MAGI1: variants seen among roughly 807,000 people sequenced by gnomAD.
MAGI1 encodes membrane associated guanylate kinase, WW and PDZ domain containing 1, also known as membrane-associated guanylate kinase, WW and PDZ domain-containing protein 1.
Under a neutral mutation model 139.9 loss-of-function variants are expected in MAGI1, and 58 were observed. That is an observed-to-expected ratio of 0.41 (90% CI 0.34 to 0.52). The LOEUF is 0.52. Among genes scored for constraint, MAGI1 ranks in the 20% least tolerant of loss-of-function variants. The pLI is 0.12. For missense variants in MAGI1, 1,874 were observed against 1,901.6 expected (o/e 0.99, Z 0.27); for synonymous variants, 812 against 737.9 (o/e 1.10, Z -1.63).
intron 1 of MAGI1, among the ~76,000 whole-genome samples, chr3:65,787,591 C>T (rs2039484839): frequency 6.7e-6 from 1 of 149,892 alleles, no homozygotes; most frequent in Non-Finnish European, 1.5e-5. Context: ...TAACAGCAAG[C>T]AGGGCACATT....
chr3:65,360,609 A>G, intron 22 of MAGI1: 2 of 985,462 alleles, frequency 2.0e-6, no homozygotes, highest in Non-Finnish European at 2.4e-6. Flanking sequence ...CATTATGGCT[A>G]ATATATTAAC....
rs146359415 is a variant in MAGI1, at chr3:65,548,430, T to A, written c.431-54799A>T. On this transcript the variant is annotated intron_variant, in intron 2 of 22. Coordinates refer to ENST00000402939, the MANE Select transcript of MAGI1 (RefSeq NM_001033057.2). ...CCAGGGGAGAAAAGTGGCTCTACAA[T>A]AAGGCTCTGCACAAAAGGGCCTCCC... is the stretch of plus-strand genomic sequence containing the variant. 4.4e-3 allele frequency among the ~76,000 whole-genome samples: 654 copies of A among 149,790 alleles called. 7 individuals carry two copies. Among genetic ancestry groups the A allele is most frequent in the Middle Eastern group, 0.021 (6 of 284 alleles).
At position 65,680,932 on chromosome 3, in the gene MAGI1, T is replaced by C. The variant is rs78143805; in HGVS notation, c.314-58844A>G. Among the ~76,000 whole-genome samples the C allele has an allele frequency of 8.2e-3, 1,249 of 152,272 alleles. 22 individuals carry two copies. Among genetic ancestry groups the C allele is most frequent in the East Asian group, 0.082 (423 of 5,186 alleles). ...CTTGTAATGGGACGGAAAGATTCAG[T>C]ATTTTAGTTTCGGAGTTGGGAAGAT... is the stretch of plus-strand genomic sequence containing the variant. On this transcript the variant is annotated intron_variant, in intron 1 of 22. Transcript: ENST00000402939.
intron 1 of MAGI1, among the ~76,000 whole-genome samples, chr3:65,967,397 C>T (rs1290802196): frequency 6.6e-6 from 1 of 152,016 alleles, no homozygotes; most frequent in Non-Finnish European, 1.5e-5. Context: ...TGGAAGCGTA[C>T]TGAAAAAAAA....
intron 2 of MAGI1, among the ~76,000 whole-genome samples, chr3:65,508,686 C>T (rs73128936): frequency 6.6e-6 from 1 of 152,150 alleles, no homozygotes; most frequent in Non-Finnish European, 1.5e-5. Context: ...AGATACAATC[C>T]AGTCAATGAA....
At chr3:65,710,269 CTTTTTTTTTTTTTTTTTTT>C (rs1175790063) in intron 1 of MAGI1, among the ~76,000 whole-genome samples, 1 of 66,876 alleles carries the variant, frequency 1.5e-5, no homozygotes, top group Non-Finnish European at 2.8e-5. Context: ...CCTTACATTT[CTTTTTTTTTTTTTTTTTTT>C]TTTTTTTTTG....
chr3:65,740,155 A>C (rs2035134162), intron 1 of MAGI1, among the ~76,000 whole-genome samples: 1 of 152,208 alleles, frequency 6.6e-6, no homozygotes, highest in South Asian at 2.1e-4. Flanking sequence ...ACACACAGAA[A>C]CATAACAACC....
chr3:65,449,302 C>T (rs947932038), intron 6 of MAGI1, among the ~76,000 whole-genome samples: 7 of 152,152 alleles, frequency 4.6e-5, no homozygotes, highest in South Asian at 2.1e-4. Flanking sequence ...CCACTGCCAG[C>T]GGTAAGTTTT....
rs140899893 is a variant in MAGI1 at position 65,800,555 on chromosome 3, G to C, written c.314-178467C>G. Among the ~76,000 whole-genome samples the C allele has an allele frequency of 4.5e-4, 69 of 151,924 alleles. No individual in the cohort carries two copies. The East Asian group carries it at 0.012, about 27-fold the overall frequency. On this transcript the variant is annotated intron_variant, in intron 1 of 22. Transcript: ENST00000402939. ...CAGTGAACAGGTGCTTGGAAGGGCA[G>C]AACATGGACTGCTTCAAACAATCAG...
chr3:65,768,166 T>C (rs1481406311), intron 1 of MAGI1, among the ~76,000 whole-genome samples: 1 of 152,244 alleles, frequency 6.6e-6, no homozygotes, highest in African/African-American at 2.4e-5. Context: ...ATGCCTGTAA[T>C]CCCAGCACTT....
intron 1 of MAGI1, among the ~76,000 whole-genome samples, chr3:65,658,965 G>T (rs1197263966): frequency 6.6e-6 from 1 of 152,180 alleles, no homozygotes; most frequent in Non-Finnish European, 1.5e-5. Flanking sequence ...GTGGATTAAT[G>T]ACAGTTGCTT....
At chr3:65,486,008 G>C (rs1027642479) in intron 3 of MAGI1, among the ~76,000 whole-genome samples, 4 of 152,154 alleles carry the variant, frequency 2.6e-5, no homozygotes, top group Non-Finnish European at 5.9e-5. Flanking sequence ...TTCTACGACA[G>C]AGTTTGCCAA....
intron 2 of MAGI1, among the ~76,000 whole-genome samples, chr3:65,621,021 T>G (rs2083640269): frequency 6.6e-6 from 1 of 151,940 alleles, no homozygotes; most frequent in Non-Finnish European, 1.5e-5. Context: ...GCAAGTTTTT[T>G]TTTTAAAAGA....
intron 1 of MAGI1, among the ~76,000 whole-genome samples, chr3:65,716,789 G>A (rs1046500898): frequency 6.6e-5 from 10 of 152,166 alleles, no homozygotes; most frequent in Non-Finnish European, 1.3e-4. Flanking sequence ...GGTGCTAGGG[G>A]TTTTAAAAAA....
intron 1 of MAGI1, among the ~76,000 whole-genome samples, chr3:65,861,796 G>A (rs747039451): frequency 1.2e-4 from 19 of 152,078 alleles, no homozygotes; most frequent in African/African-American, 3.4e-4. Flanking sequence ...TCATTGTCCC[G>A]TCTAAAATGT....
intron 1 of MAGI1, among the ~76,000 whole-genome samples, chr3:65,870,983 G>A (rs1005948185): frequency 6.6e-6 from 1 of 151,966 alleles, no homozygotes; most frequent in Non-Finnish European, 1.5e-5. Context: ...CCGTCATCTA[G>A]GGCAGAGTGT....
chr3:65,391,689 T>C (rs1312719798), intron 13 of MAGI1, among the ~76,000 whole-genome samples: 1 of 152,204 alleles, frequency 6.6e-6, no homozygotes, highest in Admixed American at 6.5e-5. Flanking sequence ...TTTAACATTT[T>C]CATTTTCACA....
At chr3:65,812,881 T>TG (rs983067004) in intron 1 of MAGI1, among the ~76,000 whole-genome samples, 4 of 151,772 alleles carry the variant, frequency 2.6e-5, no homozygotes, top group Non-Finnish European at 5.9e-5. Flanking sequence ...AGCTAATTTT[T>TG]GTATTTTTTA....
chr3:65,907,007 C>G (rs1026069430), intron 1 of MAGI1, among the ~76,000 whole-genome samples: 1 of 150,606 alleles, frequency 6.6e-6, no homozygotes, highest in African/African-American at 2.4e-5. Context: ...CCTTTTGTCT[C>G]TAGCATTGAT....
Sources: gnomAD v4.1 joint callset for allele counts (sites outside exome capture counted in the v4.1 genomes callset) on GRCh38, gnomAD v4.1.1 for gene constraint, MANE v1.5 for transcripts, NCBI Gene and HGNC (gene_info 2026-07-23, HGNC 2026-07-21) for gene names.